EYA2: variants seen among roughly 807,000 people sequenced by gnomAD.
The protein encoded by EYA2 is EYA transcriptional coactivator and phosphatase 2.
A neutral mutation model predicts 69.2 loss-of-function variants in EYA2; 31 were observed. That is an observed-to-expected ratio of 0.45 (90% CI 0.34 to 0.60). The LOEUF is 0.60. Ranked by LOEUF, EYA2 falls within the 20% of genes least tolerant of loss-of-function variation. EYA2 has a pLI of 0.02. For synonymous variants in EYA2, 257 were observed against 279.4 expected (o/e 0.92, Z 0.80); for missense variants, 622 against 701.2 (o/e 0.89, Z 1.28).
At chr20:47,050,908 C>T (rs552505640) in intron 5 of EYA2, among the ~76,000 whole-genome samples, 3 of 152,358 alleles carry the variant, frequency 2.0e-5, no homozygotes, top group South Asian at 2.1e-4. Context: ...CTCCTTGCCC[C>T]GCTGGGACAG....
chr20:47,089,712 A>G (rs1440076412), intron 8 of EYA2, among the ~76,000 whole-genome samples: 2 of 152,180 alleles, frequency 1.3e-5, no homozygotes, highest in African/African-American at 4.8e-5. Context: ...AAGCCCCCAG[A>G]TGATTATGAT....
intron 10 of EYA2, among the ~76,000 whole-genome samples, chr20:47,157,155 G>C (rs1219345785): frequency 6.6e-6 from 1 of 151,710 alleles, no homozygotes; most frequent in Non-Finnish European, 1.5e-5. Context: ...AGGAGTTCGA[G>C]ACCAGACTGG....
intron 10 of EYA2, chr20:47,160,817 T>C (rs41282794): frequency 0.029 from 6,548 of 223,850 alleles, 159 homozygotes; most frequent in Non-Finnish European, 0.037. Flanking sequence ...TAATTCACTT[T>C]ATTTTTCTTG....
chr20:47,128,850 C>T (rs55865514), intron 9 of EYA2, among the ~76,000 whole-genome samples: 4,806 of 152,254 alleles, frequency 0.032, 114 homozygotes, highest in Non-Finnish European at 0.045. Flanking sequence ...TGGCCAGGCA[C>T]GGTGGCTCAT....
At chr20:47,069,203 C>G (rs2031221643) in intron 5 of EYA2, among the ~76,000 whole-genome samples, 1 of 152,120 alleles carries the variant, frequency 6.6e-6, no homozygotes, top group Admixed American at 6.6e-5. Context: ...GGTTTCAAAA[C>G]TCACCATAGG....
chr20:47,090,642 A>G lies in EYA2; in HGVS notation c.804+1261A>G, dbSNP rs148536980. Among the ~76,000 whole-genome samples the G allele has an allele frequency of 7.6e-3, 1,151 of 152,244 alleles. 15 individuals carry two copies. Among genetic ancestry groups the G allele is most frequent in the African/African-American group, 0.026 (1,100 of 41,536 alleles). On this transcript the variant is annotated intron_variant, in intron 8 of 15. Transcript: ENST00000327619. ...CATCATGAAACAGATTACCAAGTCT[A>G]CCATCTCACAAAGTTACTTTTTCTG...
rs777117006 is a variant in EYA2, at chr20:47,005,034, C to A, written c.248C>A (p.Pro83His). Residue 83 changes from proline to histidine, a missense_variant, in exon 4 of 16, where the codon CCC becomes CAC. Pro to His is a moderately conservative substitution (Grantham distance 77). Coordinates refer to ENST00000327619, the MANE Select transcript of EYA2 (RefSeq NM_005244.5). ...QYSAGIQQAT[P>H]YTAYPPPAQA... Reference sequence around the variant, plus strand: ...AGTGCGGGGATCCAGCAGGCTACCCCCTATACAGCTTACCCACCTCCAGCA... The same window carrying A: ...AGTGCGGGGATCCAGCAGGCTACCCACTATACAGCTTACCCACCTCCAGCA... 1 of 1,613,990 alleles carries A rather than the reference C, an allele frequency of 6.2e-7. No homozygotes were observed. Among genetic ancestry groups the A allele is most frequent in the South Asian group, 1.1e-5 (1 of 91,074 alleles).
chr20:46,998,897 C>G lies in EYA2; in HGVS notation c.110-2531C>G, dbSNP rs191488330. Among the ~76,000 whole-genome samples the G allele has an allele frequency of 6.6e-5, 10 of 152,302 alleles. No individual in the cohort carries two copies. The East Asian group carries it at 1.9e-3, about 29-fold the overall frequency. On this transcript the variant is annotated intron_variant, in intron 2 of 15. Transcript: ENST00000327619. ...GAAAATCTCTTTGCACTTACAAATG[C>G]CTGTTTCTCGCTTGCACAGTCTTCC...
chr20:47,099,472 G>A (rs116887461), intron 9 of EYA2, among the ~76,000 whole-genome samples: 2,669 of 152,272 alleles, frequency 0.018, 29 homozygotes, highest in Non-Finnish European at 0.029. Context: ...AGCTATGATC[G>A]CACCACTGCA....
intron 7 of EYA2, among the ~76,000 whole-genome samples, chr20:47,083,139 A>G (rs756371526): frequency 2.0e-5 from 3 of 152,060 alleles, no homozygotes; most frequent in South Asian, 4.1e-4. Flanking sequence ...ACAGTGAGCT[A>G]TGATCATACC....
chr20:47,031,070 C>T (rs942080939), intron 5 of EYA2, among the ~76,000 whole-genome samples: 7 of 152,152 alleles, frequency 4.6e-5, no homozygotes, highest in South Asian at 2.1e-4. Context: ...AGTTGCAACA[C>T]GCAGTGGGTA....
intron 12 of EYA2, among the ~76,000 whole-genome samples, chr20:47,175,047 G>C (rs2034400209): frequency 6.6e-6 from 1 of 152,224 alleles, no homozygotes; most frequent in Admixed American, 6.5e-5. Flanking sequence ...CCCCATCCAG[G>C]TTAAGGCCCA....
intron 9 of EYA2, among the ~76,000 whole-genome samples, chr20:47,097,983 G>C (rs184741570): frequency 2.0e-5 from 3 of 152,124 alleles, no homozygotes; most frequent in Non-Finnish European, 4.4e-5. Flanking sequence ...ACTTGCCAGC[G>C]CCTGGAAAAT....
intron 10 of EYA2, among the ~76,000 whole-genome samples, chr20:47,156,732 A>G (rs554328340): frequency 3.3e-5 from 5 of 152,098 alleles, no homozygotes; most frequent in African/African-American, 4.8e-5. Context: ...AGCACAAGAG[A>G]TGTGGCCCAG....
intron 13 of EYA2, among the ~76,000 whole-genome samples, 153 bp from the exon 14 acceptor site, chr20:47,180,662 G>A (rs2034520813): frequency 6.6e-6 from 1 of 152,192 alleles, no homozygotes; most frequent in Non-Finnish European, 1.5e-5. Flanking sequence ...GAGAGGAACA[G>A]CCTGAGAATC....
intron 1 of EYA2, among the ~76,000 whole-genome samples, chr20:46,942,459 A>G (rs1174393048): frequency 6.6e-6 from 1 of 152,228 alleles, no homozygotes; most frequent in Non-Finnish European, 1.5e-5. Context: ...AAGATGGGGA[A>G]TGGGGCAAGA....
chr20:46,900,547 C>T (rs1323949772), intron 1 of EYA2, among the ~76,000 whole-genome samples: 1 of 152,180 alleles, frequency 6.6e-6, no homozygotes, highest in African/African-American at 2.4e-5. Flanking sequence ...ATGCTGAAAA[C>T]ATATACACTT....
intron 4 of EYA2, among the ~76,000 whole-genome samples, chr20:47,015,427 C>A (rs561245341): frequency 1.3e-5 from 2 of 152,174 alleles, no homozygotes; most frequent in Non-Finnish European, 2.9e-5. Context: ...TTAGCAGGTC[C>A]CCCCGTGAGA....
chr20:46,954,537 G>A (rs1055620048), intron 1 of EYA2, among the ~76,000 whole-genome samples: 1 of 152,198 alleles, frequency 6.6e-6, no homozygotes, highest in Non-Finnish European at 1.5e-5. Flanking sequence ...CTGGCAGCTC[G>A]CTCTCTTTGA....
Sources: allele counts gnomAD v4.1 joint callset (sites outside exome capture counted in the v4.1 genomes callset), GRCh38; gene constraint gnomAD v4.1.1; transcripts MANE v1.5; gene names NCBI Gene and HGNC (gene_info 2026-07-23, HGNC 2026-07-21).